Variants in CUL9 observed in about 807,000 individuals in gnomAD.
CUL9 encodes the protein cullin 9, also known as cullin-9.
CUL9 carries 79 observed loss-of-function variants against 272.6 expected under a neutral mutation model. The observed-to-expected ratio is 0.29, with a 90% CI of 0.24 to 0.35. The LOEUF is 0.35. Ranked by LOEUF, CUL9 falls within the 10% of genes least tolerant of loss-of-function variation. CUL9 has a pLI of 1.00. For synonymous variants in CUL9, 1,186 were observed against 1,286.5 expected (o/e 0.92, Z 1.67); for missense variants, 2,532 against 3,255.6 (o/e 0.78, Z 5.41).
chr6:43,220,919 C>T lies in CUL9; in HGVS notation c.6588+8C>T. 1 of 1,603,294 alleles carries T rather than the reference C, an allele frequency of 6.2e-7. No homozygotes were observed. The highest frequency in any genetic ancestry group is 8.5e-7 in the Non-Finnish European group (1 of 1,174,666). On this transcript the variant is annotated splice_region_variant and intron_variant, in intron 33 of 40. Transcript: ENST00000252050. The surrounding 1 kb of genome is among the most constrained non-coding windows in gnomAD (Gnocchi z 4.9). Reference sequence around the variant, plus strand: ...AACTGTAGCTTCCCTGAGGTGGGAGCCCCACACTGGCCCTGACCCTGAGCA... The same window carrying T: ...AACTGTAGCTTCCCTGAGGTGGGAGTCCCACACTGGCCCTGACCCTGAGCA...
chr6:43,213,072 A>T lies in CUL9; in HGVS notation c.5213-77A>T. 6.5e-7 allele frequency: 1 copy of T among 1,534,008 alleles called. No individual in the cohort carries two copies. The highest frequency in any genetic ancestry group is 8.9e-7 in the Non-Finnish European group (1 of 1,125,996). ...CTCCCCATAGGGACTAGTAGGAGCA[A>T]AGCTTGACACCTCAACCCCTAAACC... On this transcript the variant is annotated intron_variant, in intron 26 of 40. Coordinates refer to ENST00000252050, the MANE Select transcript of CUL9 (RefSeq NM_015089.4). The surrounding 1 kb of genome is among the most constrained non-coding windows in gnomAD (Gnocchi z 5.7).
rs565524904 is a variant in CUL9 at position 43,213,306 on chromosome 6, C to T, written c.5358+12C>T. On this transcript the variant is annotated intron_variant, in intron 27 of 40. Transcript: ENST00000252050. The surrounding 1 kb of genome is among the most constrained non-coding windows in gnomAD (Gnocchi z 5.7). ...TCAATCAGACAGAGGTGCTTCAGCC[C>T]TTAGCCTCTCTCTGCCTTCTCTGCT... is the stretch of plus-strand genomic sequence containing the variant. 1.9e-6 allele frequency: 3 copies of T among 1,613,682 alleles called. No homozygotes were observed. Among genetic ancestry groups the T allele is most frequent in the Non-Finnish European group, 2.5e-6 (3 of 1,179,720 alleles).
chr6:43,200,344 G>C lies in CUL9; in HGVS notation c.3385-92G>C. 2 of 1,600,588 alleles carry C rather than the reference G, an allele frequency of 1.2e-6. No individual in the cohort carries two copies. The highest frequency in any genetic ancestry group is 3.4e-5 in the Admixed American group (2 of 59,696). ...GGAGAGAGGAGTTGAGTATACCGTT[G>C]ACCCTTGACTTTTTCTCTCTACCTG... is the stretch of plus-strand genomic sequence containing the variant. On this transcript the variant is annotated intron_variant, in intron 14 of 40. Transcript: ENST00000252050. This position sits in a 1 kb window ranked among gnomAD's most constrained non-coding sequence, Gnocchi z 4.0.
chr6:43,214,543 G>C (rs892414975), intron 29 of CUL9, among the ~76,000 whole-genome samples: 16 of 152,202 alleles, frequency 1.1e-4, no homozygotes, highest in African/African-American at 3.4e-4. Context: ...GCTCATGCCT[G>C]TAATCCTAGC....
chr6:43,223,494 G>GA lies in CUL9; in HGVS notation c.7284+100dup. 6.9e-7 allele frequency: 1 copy of GA among 1,455,840 alleles called. No homozygotes were observed. The highest frequency in any genetic ancestry group is 2.5e-5 in the East Asian group (1 of 40,150). The allele number at this position is 1,455,840 out of a possible 1,614,324, so 90.2% of individuals were successfully genotyped here. On this transcript the variant is annotated intron_variant, in intron 39 of 40. Coordinates refer to ENST00000252050, the MANE Select transcript of CUL9 (RefSeq NM_015089.4). The surrounding 1 kb of genome is among the most constrained non-coding windows in gnomAD (Gnocchi z 4.1). ...CCCTGCCCTGGGGCGAGTCCAGAAG[G>GA]AAAGGCAGCAAAGCGGGTGAATGGA...
At position 43,188,706 on chromosome 6, in the gene CUL9, G is replaced by A; in HGVS notation, c.2171G>A (p.Arg724Lys). 1 of 1,608,458 alleles carries A rather than the reference G, an allele frequency of 6.2e-7. No homozygotes were observed. The highest frequency in any genetic ancestry group is 1.1e-5 in the South Asian group (1 of 90,258). ...GACCACCCTCTGGTCCGTCCTGACA[G>A]ATCGCTGAGGTTAGCATACTGGGGA... ...ERDHPLVRPD[R>K]SLREKLVKML... Residue 724 changes from arginine (R) to lysine (K), a missense_variant, in exon 8 of 41, where the codon AGA (arginine) becomes AAA (lysine). Physicochemically the swap from Arg to Lys is conservative, Grantham distance 26. This residue lies in a region of CUL9 where 2,218 missense variants were observed against 2,788.6 expected (regional missense o/e 0.80). Transcript: ENST00000252050.
Position 43,199,171 on chromosome 6 carries a change from G to C in CUL9, c.3051-95G>C, listed in dbSNP as rs1006636721. 57 of 1,037,788 alleles carry C rather than the reference G, an allele frequency of 5.5e-5. No homozygotes were observed. The African/African-American group carries it at 6.9e-4, about 13-fold the overall frequency. 64.3% of individuals were successfully genotyped at this position (1,037,788 alleles called of 1,614,324 possible). ...GGCTGGTCTCGAACTCCCGACCTCAGGTGATCCGCCCACTTCGGCCTCCCA... is the reference window on the plus strand; with the variant it reads ...GGCTGGTCTCGAACTCCCGACCTCACGTGATCCGCCCACTTCGGCCTCCCA... On this transcript the variant is annotated intron_variant, in intron 12 of 40. Transcript: ENST00000252050. This position sits in a 1 kb window ranked among gnomAD's most constrained non-coding sequence, Gnocchi z 4.4.
At position 43,204,460 on chromosome 6, in the gene CUL9, T is replaced by C. The variant is rs147807167; in HGVS notation, c.4260T>C (p.Ser1420=). The C allele has an allele frequency of 1.2e-5, 20 of 1,614,026 alleles. No homozygotes were observed. The African/African-American group carries it at 2.3e-4, about 18-fold the overall frequency. The change falls in exon 21 of 41, where the codon TCT becomes TCC. Residue 1420 remains serine (S), a synonymous_variant. Transcript: ENST00000252050. ...NPLSRAASFA[S]RVRRLCHLLV... Reference sequence around the variant, plus strand: ...TGAGTCGAGCAGCGTCCTTTGCTTCTCGAGTTCGTCGCCTTTGCCACTTGC... The same window carrying C: ...TGAGTCGAGCAGCGTCCTTTGCTTCCCGAGTTCGTCGCCTTTGCCACTTGC...
At position 43,221,546 on chromosome 6, in the gene CUL9, AG is replaced by A; in HGVS notation, c.6753-136del. On this transcript the variant is annotated intron_variant, in intron 34 of 40. Coordinates refer to ENST00000252050, the MANE Select transcript of CUL9 (RefSeq NM_015089.4). The surrounding 1 kb of genome is among the most constrained non-coding windows in gnomAD (Gnocchi z 4.2). ...GTTCAAAAGCAGAGGTGCATTCAGC[AG>A]GGCTGGGTATGACTAAGGAGACTAT... The A allele has an allele frequency of 1.1e-6, 1 of 888,184 alleles. No homozygotes were observed. The highest frequency in any genetic ancestry group is 1.7e-6 in the Non-Finnish European group (1 of 584,724). 55.0% of individuals were successfully genotyped at this position (888,184 alleles called of 1,614,324 possible). A position where few individuals can be genotyped will look rare whatever the true frequency, so the allele number is the denominator to read the frequency against.
At chr6:43,198,320 A>G in intron 11 of CUL9, 1 of 977,076 alleles carries the variant, frequency 1.0e-6, no homozygotes, top group Non-Finnish European at 1.2e-6. Flanking sequence ...TATAATCATC[A>G]TAGTTAATAT....
rs374636726 is a variant in CUL9 at position 43,198,632 on chromosome 6, G to T, written c.2827G>T (p.Gly943Cys). 19 of 1,613,992 alleles carry T rather than the reference G, an allele frequency of 1.2e-5. No homozygotes were observed. Among genetic ancestry groups the T allele is most frequent in the Non-Finnish European group, 1.6e-5 (19 of 1,180,012 alleles). Residue 943 changes from glycine (G) to cysteine (C), a missense_variant, in exon 12 of 41, where the codon GGT (glycine) becomes TGT (cysteine). Around this residue, in one of 3 missense-constraint regions of CUL9, gnomAD observed 2,218 missense variants for 2,788.6 expected, o/e 0.80. Coordinates refer to ENST00000252050, the MANE Select transcript of CUL9 (RefSeq NM_015089.4). ...RAALETPIIQ[G>C]QDGSPELLIR... is the part of the protein sequence containing the mutation. ...AGCACTAGAGACCCCCATCATCCAG[G>T]GTCAGGATGGGTCCCCTGAGCTACT... is the stretch of plus-strand genomic sequence containing the variant.
At chr6:43,189,492 T>C (rs1195508957) in intron 8 of CUL9, among the ~76,000 whole-genome samples, 4 of 152,086 alleles carry the variant, frequency 2.6e-5, no homozygotes, top group Non-Finnish European at 4.4e-5. Flanking sequence ...CCCTCTACTT[T>C]TAAATTATAC....
chr6:43,208,330 C>T (rs1198369350), intron 26 of CUL9, among the ~76,000 whole-genome samples: 5 of 152,152 alleles, frequency 3.3e-5, no homozygotes, highest in Non-Finnish European at 7.3e-5. Flanking sequence ...CTCAGCCTCC[C>T]GATTAGCTGG....
At chr6:43,204,648 C>G in intron 21 of CUL9, 100 bp from the exon 22 acceptor site, 1 of 1,578,342 alleles carries the variant, frequency 6.3e-7, no homozygotes, top group African/African-American at 1.3e-5. Context: ...TTTCCAGGCC[C>G]CTGAGACCTA....
Position 43,223,511 on chromosome 6 carries a change from G to A in CUL9, c.7284+114G>A. 1 of 1,393,540 alleles carries A rather than the reference G, an allele frequency of 7.2e-7. No individual in the cohort carries two copies. The highest frequency in any genetic ancestry group is 1.4e-5 in the South Asian group (1 of 70,596). 86.3% of individuals were successfully genotyped at this position (1,393,540 alleles called of 1,614,324 possible). ...TCCAGAAGGAAAGGCAGCAAAGCGG[G>A]TGAATGGATGTTAGACCTGGGCGCA... On this transcript the variant is annotated intron_variant, in intron 39 of 40. Transcript: ENST00000252050. This position sits in a 1 kb window ranked among gnomAD's most constrained non-coding sequence, Gnocchi z 4.1.
rs868101434 is a variant in CUL9 at position 43,192,086 on chromosome 6, G to A, written c.2181-915G>A. 2.4e-4 allele frequency among the ~76,000 whole-genome samples: 31 copies of A among 129,856 alleles called. No individual in the cohort carries two copies. The South Asian group carries it at 7.2e-3, about 30-fold the overall frequency. 85.2% of individuals were successfully genotyped at this position (129,856 alleles called of 152,430 possible). On this transcript the variant is annotated intron_variant, in intron 8 of 40. Transcript: ENST00000252050. ...TTTTTTTTTTTTTTTTTTTGAGACA[G>A]GGTCTCACTCTGTCAGCCAGGCTGG...
intron 26 of CUL9, among the ~76,000 whole-genome samples, chr6:43,207,800 T>G (rs1269403672): frequency 6.6e-6 from 1 of 152,210 alleles, no homozygotes; most frequent in Non-Finnish European, 1.5e-5. Context: ...GATGGTCATA[T>G]TTTACCTGTT....
At chr6:43,187,575 G>A (rs998624383) in intron 6 of CUL9, 136 bp downstream of exon 6, 2 of 1,319,416 alleles carry the variant, frequency 1.5e-6, no homozygotes, top group East Asian at 2.3e-5. Flanking sequence ...GTCCTGCTGG[G>A]GGTTGGAGGC....
At chr6:43,196,359 C>G in intron 10 of CUL9, 94 bp downstream of exon 10, 1 of 1,244,114 alleles carries the variant, frequency 8.0e-7, no homozygotes, top group East Asian at 2.4e-5. Context: ...AGAAATTCCC[C>G]TCACGCTGTC....
Sources: allele counts gnomAD v4.1 joint callset (sites outside exome capture counted in the v4.1 genomes callset), GRCh38; gene constraint gnomAD v4.1.1; regional missense constraint gnomAD v4.1.1; non-coding constraint Gnocchi (gnomAD v3.1); transcripts MANE v1.5; gene names NCBI Gene and HGNC (gene_info 2026-07-23, HGNC 2026-07-21).